Variants in GALNT13 observed in about 807,000 individuals in gnomAD.
The protein encoded by GALNT13 is UDP-GalNAc:polypeptide N-acetylgalactosaminyltransferase 13.
Under a neutral mutation model 64.2 loss-of-function variants are expected in GALNT13, and 28 were observed. The observed-to-expected ratio is 0.44, with a 90% CI of 0.32 to 0.60. GALNT13 has a LOEUF of 0.60. Among genes scored for constraint, GALNT13 ranks in the 20% least tolerant of loss-of-function variants. The pLI, the probability that GALNT13 is intolerant of heterozygous loss-of-function variation, is 0.05. For missense variants in GALNT13, 577 were observed against 669.8 expected (o/e 0.86, Z 1.53); for synonymous variants, 214 against 224.6 (o/e 0.95, Z 0.42).
the GALNT13 span, among the ~76,000 whole-genome samples, chr2:153,616,066 G>C: frequency 6.6e-6 from 1 of 152,022 alleles, no homozygotes; most frequent in East Asian, 1.9e-4. Context: ...CATAGGCTGC[G>C]GTCTTATATT....
the GALNT13 span, among the ~76,000 whole-genome samples, chr2:153,723,041 G>A: frequency 6.6e-6 from 1 of 151,838 alleles, no homozygotes; most frequent in Admixed American, 6.6e-5. Context: ...GAACATTGAT[G>A]CAAAAATCCT....
intron 3 of GALNT13, among the ~76,000 whole-genome samples, chr2:154,127,311 C>T (rs1682341943): frequency 6.6e-6 from 1 of 152,090 alleles, no homozygotes; most frequent in South Asian, 2.1e-4. Context: ...GAGATCTTAA[C>T]TGATTTCTAG....
chr2:154,281,576 G>A (rs1691964396), intron 8 of GALNT13, among the ~76,000 whole-genome samples: 1 of 152,162 alleles, frequency 6.6e-6, no homozygotes, highest in Non-Finnish European at 1.5e-5. Flanking sequence ...ATGTTGGCAT[G>A]AGTATTTTGG....
the GALNT13 span, among the ~76,000 whole-genome samples, chr2:153,711,851 T>A: frequency 2.0e-4 from 31 of 152,132 alleles, no homozygotes; most frequent in Non-Finnish European, 4.0e-4. Context: ...GTTAAAGGCA[T>A]CACCTTTATT....
At chr2:153,366,975 A>G in the GALNT13 span, among the ~76,000 whole-genome samples, 1 of 150,696 alleles carries the variant, frequency 6.6e-6, no homozygotes, top group Non-Finnish European at 1.5e-5. Context: ...TTTTATACCT[A>G]CTGAACATAA....
chr2:153,667,408 C>A, the GALNT13 span, among the ~76,000 whole-genome samples: 1 of 152,164 alleles, frequency 6.6e-6, no homozygotes, highest in South Asian at 2.1e-4. Flanking sequence ...GGGAACCACA[C>A]AAGGCTAACA....
At chr2:153,116,778 A>G in the GALNT13 span, among the ~76,000 whole-genome samples, 2 of 147,986 alleles carry the variant, frequency 1.4e-5, no homozygotes, top group South Asian at 4.4e-4. Context: ...GCAAACAGAG[A>G]TAGGTGTGTT....
At chr2:153,982,846 A>T (rs1252002731) in intron 3 of GALNT13, among the ~76,000 whole-genome samples, 1 of 151,978 alleles carries the variant, frequency 6.6e-6, no homozygotes, top group Non-Finnish European at 1.5e-5. Flanking sequence ...TCTGGGGAAA[A>T]AAAAGAATAT....
At chr2:153,489,822 G>C in the GALNT13 span, among the ~76,000 whole-genome samples, 2 of 152,220 alleles carry the variant, frequency 1.3e-5, no homozygotes, top group South Asian at 4.1e-4. Flanking sequence ...CAAAACTGTT[G>C]CAAAGTAAAA....
At chr2:153,742,943 G>A in the GALNT13 span, among the ~76,000 whole-genome samples, 2 of 146,300 alleles carry the variant, frequency 1.4e-5, no homozygotes, top group Non-Finnish European at 3.0e-5. Context: ...GAAAGGGGAG[G>A]GGAGGTGAGA....
chr2:154,342,334 G>T (rs1695816643), intron 9 of GALNT13, among the ~76,000 whole-genome samples: 2 of 152,002 alleles, frequency 1.3e-5, no homozygotes, highest in South Asian at 4.2e-4. Flanking sequence ...ATGTGATTGA[G>T]TTCTTAAGTC....
the GALNT13 span, among the ~76,000 whole-genome samples, chr2:153,651,287 C>G: frequency 6.6e-6 from 1 of 152,102 alleles, no homozygotes; most frequent in Non-Finnish European, 1.5e-5. Flanking sequence ...AGAATAAAGT[C>G]TGATTCCAGG....
the GALNT13 span, among the ~76,000 whole-genome samples, chr2:153,257,313 G>T: frequency 6.6e-6 from 1 of 151,986 alleles, no homozygotes; most frequent in Non-Finnish European, 1.5e-5. Context: ...GCTTCGGCTC[G>T]TGCACGGTGC....
chr2:153,524,547 C>A, the GALNT13 span, among the ~76,000 whole-genome samples: 1 of 152,128 alleles, frequency 6.6e-6, no homozygotes, highest in Non-Finnish European at 1.5e-5. Flanking sequence ...ACACCTCCCC[C>A]ATCTCCCTGC....
the GALNT13 span, among the ~76,000 whole-genome samples, chr2:153,356,018 G>A: frequency 1.8e-4 from 27 of 152,076 alleles, no homozygotes; most frequent in East Asian, 9.6e-4. Context: ...GGTCTTAGGC[G>A]TCTCTAAGTA....
At chr2:154,069,885 A>G (rs1293483102) in intron 3 of GALNT13, among the ~76,000 whole-genome samples, 1 of 152,150 alleles carries the variant, frequency 6.6e-6, no homozygotes, top group African/African-American at 2.4e-5. Context: ...CCAAGTAACT[A>G]GCACATTTCA....
At chr2:153,722,497 C>CA in the GALNT13 span, among the ~76,000 whole-genome samples, 2 of 148,320 alleles carry the variant, frequency 1.3e-5, no homozygotes, top group African/African-American at 2.6e-5. Flanking sequence ...AAAAACCCTT[C>CA]AAAAAATCAA....
the GALNT13 span, among the ~76,000 whole-genome samples, chr2:153,330,993 T>C: frequency 5.3e-5 from 8 of 152,192 alleles, no homozygotes. Context: ...TGCAGGAATA[T>C]TCAATTATAT....
chr2:153,967,259 A>G (rs955951230), intron 3 of GALNT13, among the ~76,000 whole-genome samples: 2 of 152,110 alleles, frequency 1.3e-5, no homozygotes, highest in South Asian at 2.1e-4. Context: ...TGGTGAGGCT[A>G]TGTTTTCCTA....
Sources: gnomAD v4.1 joint callset for allele counts (sites outside exome capture counted in the v4.1 genomes callset) on GRCh38, gnomAD v4.1.1 for gene constraint, MANE v1.5 for transcripts, NCBI Gene and HGNC (gene_info 2026-07-23, HGNC 2026-07-21) for gene names.